Variants in USP15 observed in about 807,000 individuals in gnomAD.
USP15 encodes ubiquitin specific peptidase 15.
Under a neutral mutation model 127.1 loss-of-function variants are expected in USP15, and 18 were observed. That is an observed-to-expected ratio of 0.14 (90% CI 0.10 to 0.21). USP15 has a LOEUF of 0.21. Among genes scored for constraint, USP15 ranks in the 10% least tolerant of loss-of-function variants. The pLI is 1.00. For synonymous variants in USP15, 364 were observed against 393.7 expected, an observed-to-expected ratio of 0.92 and a Z score of 0.89; for missense variants, 805 against 1,159.9, an observed-to-expected ratio of 0.69 and a Z score of 4.44.
At chr12:62,358,979 A>G (rs1338336233) in intron 8 of USP15, among the ~76,000 whole-genome samples, 1 of 152,166 alleles carries the variant, frequency 6.6e-6, no homozygotes, top group East Asian at 1.9e-4. Flanking sequence ...GAACAACTGT[A>G]TATCCTGACC....
intron 1 of USP15, among the ~76,000 whole-genome samples, chr12:62,270,029 C>A (rs558601928): frequency 6.6e-6 from 1 of 151,892 alleles, no homozygotes; most frequent in African/African-American, 2.4e-5. Context: ...TTTTTCACCT[C>A]GTCAGCACTT....
intron 8 of USP15, among the ~76,000 whole-genome samples, chr12:62,380,958 T>C (rs888341929): frequency 1.3e-5 from 2 of 152,094 alleles, no homozygotes; most frequent in Admixed American, 1.3e-4. Flanking sequence ...CTAAAGTTTG[T>C]TCTCTCAGGC....
At chr12:62,296,102 C>G (rs1233163740) in intron 2 of USP15, among the ~76,000 whole-genome samples, 2 of 152,200 alleles carry the variant, frequency 1.3e-5, no homozygotes, top group Non-Finnish European at 2.9e-5. Context: ...GGCAGGCAGC[C>G]TCTAGGAACA....
chr12:62,371,995 G>A (rs2066686985), intron 8 of USP15, among the ~76,000 whole-genome samples: 1 of 152,026 alleles, frequency 6.6e-6, no homozygotes, highest in South Asian at 2.1e-4. Flanking sequence ...CAGAGCTGTT[G>A]CAAGAATTAG....
chr12:62,360,683 G>A (rs930716023), intron 8 of USP15, among the ~76,000 whole-genome samples: 7 of 151,688 alleles, frequency 4.6e-5, no homozygotes, highest in South Asian at 2.1e-4. Context: ...ACTTTTCATC[G>A]TAAAAGGAAA....
intron 1 of USP15, 94 bp downstream of exon 1, chr12:62,260,597 C>A: frequency 4.0e-6 from 5 of 1,245,126 alleles, no homozygotes; most frequent in Non-Finnish European, 5.6e-6. Context: ...GTGACAGGTG[C>A]GGGCAGGTCC....
At chr12:62,400,107 C>G (rs1316580090) in intron 20 of USP15, among the ~76,000 whole-genome samples, 3 of 152,060 alleles carry the variant, frequency 2.0e-5, no homozygotes, top group Non-Finnish European at 4.4e-5. Flanking sequence ...AAACAATGAC[C>G]ACATATAATT....
intron 1 of USP15, among the ~76,000 whole-genome samples, chr12:62,272,837 A>G (rs1344556362): frequency 6.6e-6 from 1 of 152,118 alleles, no homozygotes; most frequent in Non-Finnish European, 1.5e-5. Flanking sequence ...TGAGGTATTC[A>G]TGTTAATATA....
At position 62,410,775 on chromosome 12, in the gene USP15, C is replaced by A. The variant is rs1224620895; in HGVS notation, c.*6400C>A. ...GCTTAAATTTCATTTTTGAAGCTGT[C>A]GTTAAAAGTATATATTTTTAGCAAA... is the stretch of plus-strand genomic sequence containing the variant. On this transcript the variant is annotated 3_prime_UTR_variant, in exon 22 of 22. Coordinates refer to ENST00000280377, the MANE Select transcript of USP15 (RefSeq NM_001252078.2). 6.6e-6 allele frequency: 1 copy of A among 151,276 alleles called. No individual in the cohort carries two copies. The highest frequency in any genetic ancestry group is 1.5e-5 in the Non-Finnish European group (1 of 67,884). The allele number at this position is 151,276 out of a possible 1,614,324, so 9.4% of individuals were successfully genotyped here.
At chr12:62,297,985 A>G (rs963592272) in intron 2 of USP15, among the ~76,000 whole-genome samples, 9 of 152,258 alleles carry the variant, frequency 5.9e-5, no homozygotes, top group South Asian at 2.1e-4. Context: ...ATGAAGAACC[A>G]AACAAATTTT....
In USP15 at chr12:62,391,719, T is replaced by A. The variant is rs886722125; in HGVS notation, c.2234-97T>A. ...AATCACCAGTACAAGTAGAAAAGAT[T>A]GCTGTTTGTTTATTCTGGTGTATAT... On this transcript the variant is annotated intron_variant, in intron 16 of 21. Coordinates refer to ENST00000280377, the MANE Select transcript of USP15 (RefSeq NM_001252078.2). The A allele has an allele frequency of 2.7e-6, 3 of 1,094,920 alleles. No homozygotes were observed. The African/African-American group carries it at 4.8e-5, about 18-fold the overall frequency. The allele number at this position is 1,094,920 out of a possible 1,614,324, so 67.8% of individuals were successfully genotyped here.
intron 20 of USP15, among the ~76,000 whole-genome samples, chr12:62,397,761 G>A (rs1302745918): frequency 6.6e-6 from 1 of 150,952 alleles, no homozygotes; most frequent in Non-Finnish European, 1.5e-5. Flanking sequence ...GGAGGCTGAG[G>A]TAGGAGAATC....
At chr12:62,350,104 TTATC>T (rs1362967206) in intron 7 of USP15, among the ~76,000 whole-genome samples, 3 of 151,884 alleles carry the variant, frequency 2.0e-5, no homozygotes, top group African/African-American at 7.2e-5. Context: ...TATTAGATAT[TTATC>T]TAATACTTAT....
At chr12:62,269,332 A>G (rs764182479) in intron 1 of USP15, among the ~76,000 whole-genome samples, 4 of 151,800 alleles carry the variant, frequency 2.6e-5, no homozygotes, top group South Asian at 2.1e-4. Context: ...GTATATATAT[A>G]TGTGTGTGTG....
intron 3 of USP15, among the ~76,000 whole-genome samples, chr12:62,309,050 G>C (rs1306385744): frequency 6.6e-6 from 1 of 151,986 alleles, no homozygotes; most frequent in Non-Finnish European, 1.5e-5. Context: ...ACAAGTTAAG[G>C]AAATTGAACT....
Position 62,384,172 on chromosome 12 carries a change from G to A in USP15, c.1343G>A (p.Cys448Tyr). 1 of 1,612,956 alleles carries A rather than the reference G, an allele frequency of 6.2e-7. No individual in the cohort carries two copies. Among genetic ancestry groups the A allele is most frequent in the Non-Finnish European group, 8.5e-7 (1 of 1,179,262 alleles). Residue 448 changes from cysteine to tyrosine, a missense_variant, in exon 11 of 22, where the codon TGT becomes TAT. Physicochemically the swap from Cys to Tyr is radical, Grantham distance 194 (BLOSUM62 -2). Coordinates refer to ENST00000280377, the MANE Select transcript of USP15 (RefSeq NM_001252078.2). ...FHGLFKSTLV[C>Y]PECAKISVTF... is the part of the protein sequence containing the mutation. ...GGCCTTTTCAAATCAACTTTAGTTT[G>A]TCCTGAGTGTGCTAAGATTTCAGTA...
intron 8 of USP15, among the ~76,000 whole-genome samples, chr12:62,370,820 A>G (rs1008797042): frequency 2.6e-5 from 4 of 152,294 alleles, no homozygotes; most frequent in African/African-American, 9.6e-5. Context: ...GCCAAGTTAA[A>G]CTACATGTAA....
chr12:62,340,404 C>G (rs917645071), intron 6 of USP15, among the ~76,000 whole-genome samples: 1 of 152,038 alleles, frequency 6.6e-6, no homozygotes, highest in Middle Eastern at 3.4e-3. Context: ...CTGCTCTGAT[C>G]TTAGTTGTTT....
At chr12:62,268,715 G>A (rs945603422) in intron 1 of USP15, among the ~76,000 whole-genome samples, 34 of 151,900 alleles carry the variant, frequency 2.2e-4, no homozygotes, top group African/African-American at 8.0e-4. Context: ...TCCATTCTTT[G>A]CTTTTAAAAT....
Sources: gnomAD v4.1 joint callset for allele counts (sites outside exome capture counted in the v4.1 genomes callset) on GRCh38, gnomAD v4.1.1 for gene constraint, MANE v1.5 for transcripts, NCBI Gene and HGNC (gene_info 2026-07-23, HGNC 2026-07-21) for gene names.